The following YIPF7 variants were observed in gnomAD, a reference collection of about 807,000 sequenced individuals.
The protein encoded by YIPF7 is protein YIPF7.
Under a neutral mutation model 27.2 loss-of-function variants are expected in YIPF7, and 35 were observed. The ratio of observed to expected loss-of-function variants is 1.29; its 90% confidence interval spans 0.98 to 1.70. The LOEUF is 1.70. YIPF7 is among the 40% of genes most tolerant of loss of function. The pLI, the probability that YIPF7 is intolerant of heterozygous loss-of-function variation, is 0.00. For missense variants in YIPF7, 358 were observed against 303.7 expected, an observed-to-expected ratio of 1.18 and a Z score of -1.33; for synonymous variants, 137 against 110.4, an observed-to-expected ratio of 1.24 and a Z score of -1.51.
At chr4:44,645,321 A>G (rs1713489195) in intron 2 of YIPF7, among the ~76,000 whole-genome samples, 1 of 152,212 alleles carries the variant, frequency 6.6e-6, no homozygotes, top group Non-Finnish European at 1.5e-5. Context: ...TGGCTATGCC[A>G]ATGAGTTTTC....
rs928428075 is a variant in YIPF7 at position 44,643,919 on chromosome 4, G to A, written c.116+6066C>T. Reference sequence around the variant, plus strand: ...CAAGCAGAAGCCTGCTGCAGGGGTGGAGCCCTCATGGAACACCTCTACTAG... The same window carrying A: ...CAAGCAGAAGCCTGCTGCAGGGGTGAAGCCCTCATGGAACACCTCTACTAG... On this transcript the variant is annotated intron_variant, in intron 2 of 5. Coordinates refer to ENST00000415895, the MANE Select transcript of YIPF7 (RefSeq NM_182592.3). 3.3e-5 allele frequency among the ~76,000 whole-genome samples: 5 copies of A among 152,096 alleles called. No homozygotes were observed. The South Asian group carries it at 8.3e-4, about 25-fold the overall frequency.
At chr4:44,660,662 C>A (rs1491319) in intron 1 of YIPF7, 82,869 of 151,930 alleles carry the variant, frequency 0.55, 23,563 homozygotes, top group Non-Finnish European at 0.64. Context: ...TGAGTCACTA[C>A]ATTTTGGAGT....
intron 4 of YIPF7, among the ~76,000 whole-genome samples, chr4:44,626,515 A>G (rs1329613644): frequency 6.6e-6 from 1 of 152,134 alleles, no homozygotes; most frequent in East Asian, 1.9e-4. Flanking sequence ...GCAAATAGGG[A>G]GTAGATGAAG....
chr4:44,635,975 T>C lies in YIPF7; in HGVS notation c.227A>G (p.Tyr76Cys). The C allele has an allele frequency of 1.2e-6, 2 of 1,613,934 alleles. No homozygotes were observed. Among genetic ancestry groups the C allele is most frequent in the Non-Finnish European group, 8.5e-7 (1 of 1,179,844 alleles). Residue 76 changes from tyrosine (Y) to cysteine (C), a missense_variant, in exon 3 of 6, where the codon TAT (tyrosine) becomes TGT (cysteine). Transcript: ENST00000415895. The part of the protein sequence containing the change: ...FFQPASNSDY[Y>C]SQSPYIDSFD... ...ACTGTCAATGTAAGGAGATTGTGAA[T>C]AATAATCTGAGTTGGATGCTGGCTG...
intron 3 of YIPF7, among the ~76,000 whole-genome samples, chr4:44,635,246 T>C (rs1713073810): frequency 6.6e-6 from 1 of 152,160 alleles, no homozygotes; most frequent in East Asian, 1.9e-4. Context: ...GTATTAACAT[T>C]GTTTAAGAGC....
intron 4 of YIPF7, 76 bp from the exon 5 acceptor site, chr4:44,624,858 G>C: frequency 1.5e-6 from 2 of 1,341,720 alleles, no homozygotes; most frequent in Non-Finnish European, 2.0e-6. Context: ...ATGAAGCAGA[G>C]AGCATCTTAG....
chr4:44,660,979 G>A (rs13136610), intron 1 of YIPF7, among the ~76,000 whole-genome samples: 146,916 of 152,296 alleles, frequency 0.96, 71,099 homozygotes, highest in East Asian at 1. Context: ...AATGCCAACC[G>A]GTTTCTTGCA....
At chr4:44,624,463 T>C in intron 5 of YIPF7, 138 bp downstream of exon 5, 1 of 976,936 alleles carries the variant, frequency 1.0e-6, no homozygotes, top group Non-Finnish European at 1.5e-6. Context: ...TTTCTTAATC[T>C]ATGAGTAGCT....
Position 44,629,441 on chromosome 4 carries a change from T to A in YIPF7, c.388A>T (p.Ile130Phe), listed in dbSNP as rs1376795410. The A allele has an allele frequency of 6.3e-7, 1 of 1,599,434 alleles. No homozygotes were observed. Among genetic ancestry groups the A allele is most frequent in the Non-Finnish European group, 8.5e-7 (1 of 1,172,742 alleles). Residue 130 changes from isoleucine to phenylalanine, a missense_variant, in exon 4 of 6, where the codon ATT becomes TTT. Transcript: ENST00000415895. ...IMNETDLTGP[I>F]LFCVALGATL... is the part of the protein sequence containing the mutation. ...GCTCCCAGGGCTACGCAAAAAAGAA[T>A]GGGTCCAGTGAGGTCCGTTTCATTC... is the stretch of plus-strand genomic sequence containing the variant.
At chr4:44,643,147 G>T (rs1713395033) in intron 2 of YIPF7, among the ~76,000 whole-genome samples, 1 of 152,160 alleles carries the variant, frequency 6.6e-6, no homozygotes, top group African/African-American at 2.4e-5. Flanking sequence ...CGGTGATATG[G>T]ACAATGAAGT....
intron 3 of YIPF7, among the ~76,000 whole-genome samples, chr4:44,634,643 T>G (rs1422540286): frequency 6.6e-6 from 1 of 152,202 alleles, no homozygotes; most frequent in Non-Finnish European, 1.5e-5. Context: ...AAAGTATGCA[T>G]GTATATTCAT....
At chr4:44,660,113 CAAAAAA>C (rs11461675) in intron 2 of YIPF7, among the ~76,000 whole-genome samples, 30 of 25,518 alleles carry the variant, frequency 1.2e-3, no homozygotes, top group South Asian at 7.9e-3. Flanking sequence ...GACTCTGTCT[CAAAAAA>C]AAAAAAAAAA....
chr4:44,642,773 C>A (rs1586763), intron 2 of YIPF7, among the ~76,000 whole-genome samples: 149,090 of 152,272 alleles, frequency 0.98, 73,078 homozygotes, highest in East Asian at 1. Flanking sequence ...TGCTCCTGCC[C>A]TGTGAGATGA....
intron 4 of YIPF7, among the ~76,000 whole-genome samples, chr4:44,625,126 G>C (rs1159847747): frequency 1.3e-5 from 2 of 152,146 alleles, no homozygotes; most frequent in African/African-American, 4.8e-5. Flanking sequence ...ATAAGTGATT[G>C]AACAGAGGAA....
intron 2 of YIPF7, among the ~76,000 whole-genome samples, chr4:44,656,687 A>AT (rs1197151930): frequency 2.6e-5 from 4 of 151,850 alleles, no homozygotes; most frequent in South Asian, 2.1e-4. Context: ...CATTCAACAC[A>AT]TATTTTTTTC....
chr4:44,653,289 T>C (rs923333168), upstream of YIPF7, among the ~76,000 whole-genome samples: 1 of 152,090 alleles, frequency 6.6e-6, no homozygotes, highest in Admixed American at 6.6e-5. Flanking sequence ...AAAGGTTACA[T>C]AATTGAAATG....
At chr4:44,630,467 A>C (rs1712846427) in intron 3 of YIPF7, among the ~76,000 whole-genome samples, 2 of 152,198 alleles carry the variant, frequency 1.3e-5, no homozygotes, top group Admixed American at 1.3e-4. Flanking sequence ...CTCTTTCTGT[A>C]AGTAAAAGTG....
intron 2 of YIPF7, among the ~76,000 whole-genome samples, chr4:44,646,926 G>A (rs753778457): frequency 5.9e-5 from 9 of 152,002 alleles, no homozygotes; most frequent in Non-Finnish European, 1.3e-4. Context: ...TTCTGATATG[G>A]GGTATATTTT....
upstream of YIPF7, among the ~76,000 whole-genome samples, chr4:44,653,022 T>G (rs1206254009): frequency 6.6e-6 from 1 of 152,078 alleles, no homozygotes; most frequent in Non-Finnish European, 1.5e-5. Context: ...ATTTGAATAC[T>G]CAGGGAAGGC....
Sources: allele counts gnomAD v4.1 joint callset (sites outside exome capture counted in the v4.1 genomes callset), GRCh38; gene constraint gnomAD v4.1.1; transcripts MANE v1.5; gene names NCBI Gene and HGNC (gene_info 2026-07-23, HGNC 2026-07-21).